Variants in GRM7 observed in about 807,000 individuals in gnomAD.
GRM7 encodes glutamate metabotropic receptor 7, also known as metabotropic glutamate receptor 7.
In GRM7, 35 loss-of-function variants were observed where a neutral mutation model predicts 84.5. The observed-to-expected ratio is 0.41, with a 90% confidence interval of 0.32 to 0.55. The LOEUF (loss-of-function observed/expected upper bound fraction) is 0.55, where lower values mean the gene tolerates loss of function less well. GRM7 is among the 20% of genes least tolerant of loss of function. GRM7 has a pLI of 0.19. For missense variants in GRM7, 1,003 were observed against 1,194.6 expected, an observed-to-expected ratio of 0.84 and a Z score of 2.36; for synonymous variants, 487 against 455.1, an observed-to-expected ratio of 1.07 and a Z score of -0.89.
At chr3:7,646,353 G>A (rs999582937) in intron 8 of GRM7, among the ~76,000 whole-genome samples, 8 of 152,024 alleles carry the variant, frequency 5.3e-5, no homozygotes, top group African/African-American at 7.2e-5. Context: ...CACCACACTC[G>A]GCTAATTTTT....
chr3:6,916,123 G>A (rs1178631613), intron 1 of GRM7, among the ~76,000 whole-genome samples: 1 of 152,100 alleles, frequency 6.6e-6, no homozygotes, highest in African/African-American at 2.4e-5. Flanking sequence ...CTGTTTTTGT[G>A]CATTCAGCAA....
chr3:7,607,015 C>T (rs1160307645), intron 8 of GRM7: 7 of 152,044 alleles, frequency 4.6e-5, no homozygotes, highest in Non-Finnish European at 8.8e-5. Flanking sequence ...ATTGAGAAAG[C>T]TTTGCTAGTA....
At chr3:7,634,687 G>A (rs1026061356) in intron 8 of GRM7, among the ~76,000 whole-genome samples, 2 of 151,652 alleles carry the variant, frequency 1.3e-5, no homozygotes, top group African/African-American at 2.4e-5. Context: ...CAAGCTACTC[G>A]GGAGGCTGAG....
intron 4 of GRM7, among the ~76,000 whole-genome samples, chr3:7,366,643 T>C (rs961587173): frequency 7.2e-5 from 11 of 151,874 alleles, no homozygotes; most frequent in African/African-American, 2.7e-4. Flanking sequence ...CTTTCTCTGG[T>C]ATTGAAAGTT....
chr3:7,446,068 A>G (rs544472557), intron 5 of GRM7, among the ~76,000 whole-genome samples: 82 of 152,304 alleles, frequency 5.4e-4, no homozygotes, highest in Non-Finnish European at 4.0e-4. Context: ...ATAGATCCAA[A>G]CATCAATATT....
At chr3:7,584,164 AAG>A (rs1251321804) in intron 8 of GRM7, among the ~76,000 whole-genome samples, 1 of 152,222 alleles carries the variant, frequency 6.6e-6, no homozygotes, top group African/African-American at 2.4e-5. Flanking sequence ...GCACATAGAG[AAG>A]AGACAGATTG....
intron 4 of GRM7, among the ~76,000 whole-genome samples, chr3:7,321,517 T>C (rs1700781095): frequency 6.6e-6 from 1 of 152,088 alleles, no homozygotes; most frequent in South Asian, 2.1e-4. Flanking sequence ...TTTTTTTCCC[T>C]GTTCTTATAC....
At chr3:7,495,544 T>C (rs572506664) in intron 7 of GRM7, among the ~76,000 whole-genome samples, 62 of 152,256 alleles carry the variant, frequency 4.1e-4, no homozygotes, top group African/African-American at 1.5e-3. Flanking sequence ...TGGGTCTCTC[T>C]TACTGGTTTG....
At chr3:7,733,414 A>C (rs1037427135) in intron 9 of GRM7, among the ~76,000 whole-genome samples, 1 of 152,206 alleles carries the variant, frequency 6.6e-6, no homozygotes, top group Non-Finnish European at 1.5e-5. Context: ...TCTTCCCCTG[A>C]ATAAGATGTT....
At chr3:7,379,529 T>A (rs1694500801) in intron 4 of GRM7, among the ~76,000 whole-genome samples, 1 of 152,198 alleles carries the variant, frequency 6.6e-6, no homozygotes, top group South Asian at 2.1e-4. Flanking sequence ...TTCCTAAACC[T>A]TTATTAGTAA....
chr3:7,482,243 G>A (rs1015185667), intron 7 of GRM7, among the ~76,000 whole-genome samples: 10 of 152,036 alleles, frequency 6.6e-5, no homozygotes, highest in African/African-American at 2.4e-4. Context: ...CACCATGGCA[G>A]GCAAGTCAAA....
At chr3:7,611,700 A>G (rs1696852992) in intron 8 of GRM7, among the ~76,000 whole-genome samples, 1 of 152,118 alleles carries the variant, frequency 6.6e-6, no homozygotes, top group Non-Finnish European at 1.5e-5. Context: ...ATCAACTGGG[A>G]GCATTGTAGA....
intron 5 of GRM7, among the ~76,000 whole-genome samples, chr3:7,446,891 A>T (rs1283668475): frequency 6.6e-6 from 1 of 152,222 alleles, no homozygotes; most frequent in East Asian, 1.9e-4. Context: ...CTGAATGGGC[A>T]AATTAAACAG....
chr3:7,360,643 A>G (rs915986135), intron 4 of GRM7, among the ~76,000 whole-genome samples: 4 of 152,118 alleles, frequency 2.6e-5, no homozygotes, highest in African/African-American at 9.7e-5. Flanking sequence ...TTGTTTAACT[A>G]TTTCTCCACA....
intron 7 of GRM7, among the ~76,000 whole-genome samples, chr3:7,474,440 CA>C (rs35884021): frequency 0.38 from 53,345 of 139,824 alleles, 9,982 homozygotes; most frequent in African/African-American, 0.51. Flanking sequence ...TAGCTTTTCT[CA>C]AAAAAAAAAA....
intron 4 of GRM7, 73 bp from the exon 5 acceptor site, chr3:7,414,950 C>T: frequency 1.6e-6 from 2 of 1,240,690 alleles, no homozygotes; most frequent in Non-Finnish European, 2.2e-6. Flanking sequence ...AAAAAAAAGT[C>T]ACTTTTATTT....
rs1431241202 is a variant in GRM7 at position 7,232,332 on chromosome 3, A to G, written c.737-66352A>G. ...TTAACTTTTGACAAAACATAGGTCA[A>G]TGCTTCAAAGTGGGAATGAGACTGT... On this transcript the variant is annotated intron_variant, in intron 2 of 9. Transcript: ENST00000357716. Among the ~76,000 whole-genome samples, 3 of 152,186 alleles carry G rather than the reference A, an allele frequency of 2.0e-5. No individual in the cohort carries two copies. The East Asian group carries it at 5.8e-4, about 29-fold the overall frequency.
chr3:7,445,409 T>C (rs1440450547), intron 5 of GRM7, among the ~76,000 whole-genome samples: 1 of 152,140 alleles, frequency 6.6e-6, no homozygotes, highest in Non-Finnish European at 1.5e-5. Flanking sequence ...AGAAGTGTGC[T>C]GTGAGGGTTA....
At chr3:7,187,433 T>C (rs1162621245) in intron 2 of GRM7, among the ~76,000 whole-genome samples, 1 of 152,222 alleles carries the variant, frequency 6.6e-6, no homozygotes, top group Non-Finnish European at 1.5e-5. Context: ...GTAGTTGTGA[T>C]GTAGGACAGG....
Sources: gnomAD v4.1 joint callset for allele counts (sites outside exome capture counted in the v4.1 genomes callset) on GRCh38, gnomAD v4.1.1 for gene constraint, MANE v1.5 for transcripts, NCBI Gene and HGNC (gene_info 2026-07-23, HGNC 2026-07-21) for gene names.